The following RIMBP2 variants were observed in gnomAD, a reference collection of about 807,000 sequenced individuals.
RIMBP2 encodes RIMS binding protein 2.
Under a neutral mutation model 118.6 loss-of-function variants are expected in RIMBP2, and 48 were observed. The ratio of observed to expected loss-of-function variants is 0.40; its 90% CI spans 0.32 to 0.51. The LOEUF (loss-of-function observed/expected upper bound fraction) is 0.51, where lower values mean the gene tolerates loss of function less well. Among genes scored for constraint, RIMBP2 ranks in the 20% least tolerant of loss-of-function variants. The probability of loss-of-function intolerance (pLI) is 0.41; values close to 1 mark genes in which losing one functional copy is unlikely to be tolerated. For missense variants in RIMBP2, 1,551 were observed against 1,768.3 expected, an observed-to-expected ratio of 0.88 and a Z score of 2.20; for synonymous variants, 762 against 742.9, an observed-to-expected ratio of 1.03 and a Z score of -0.42.
At chr12:130,505,254 T>C (rs551693794) in intron 4 of RIMBP2, among the ~76,000 whole-genome samples, 13 of 152,218 alleles carry the variant, frequency 8.5e-5, no homozygotes, top group Admixed American at 7.8e-4. Flanking sequence ...AGTCAGAGAA[T>C]AGGGCATCTT....
At chr12:130,500,040 G>A (rs1177802475) in intron 4 of RIMBP2, among the ~76,000 whole-genome samples, 1 of 152,172 alleles carries the variant, frequency 6.6e-6, no homozygotes, top group Non-Finnish European at 1.5e-5. Flanking sequence ...AATTCTTCAG[G>A]AAGCCAGTGC....
intron 2 of RIMBP2, among the ~76,000 whole-genome samples, chr12:130,562,299 A>G (rs1180427862): frequency 1.3e-5 from 2 of 152,236 alleles, no homozygotes; most frequent in Non-Finnish European, 2.9e-5. Context: ...TTTATCTGCT[A>G]GAAATAGAAA....
chr12:130,494,558 G>A (rs1396178295), intron 4 of RIMBP2, among the ~76,000 whole-genome samples: 1 of 151,498 alleles, frequency 6.6e-6, no homozygotes, highest in Non-Finnish European at 1.5e-5. Context: ...AGAATCGCTT[G>A]AACCCAGGAG....
chr12:130,668,216 T>A (rs926678146), intron 1 of RIMBP2: 3 of 152,118 alleles, frequency 2.0e-5, no homozygotes, highest in Admixed American at 6.5e-5. Flanking sequence ...TGAGAGCAAG[T>A]TCAAAGCGAA....
chr12:130,506,441 G>A (rs954601615), intron 4 of RIMBP2, among the ~76,000 whole-genome samples: 1 of 152,094 alleles, frequency 6.6e-6, no homozygotes, highest in African/African-American at 2.4e-5. Context: ...TTGGCTTTAC[G>A]GGATTGCTTC....
intron 3 of RIMBP2, among the ~76,000 whole-genome samples, chr12:130,509,977 C>A (rs1287699597): frequency 6.6e-6 from 1 of 152,184 alleles, no homozygotes; most frequent in Admixed American, 6.5e-5. Context: ...GGGTTTCAGG[C>A]TCCATGTGCA....
chr12:130,530,295 T>C (rs947911140), intron 2 of RIMBP2, among the ~76,000 whole-genome samples: 1 of 152,176 alleles, frequency 6.6e-6, no homozygotes, highest in Non-Finnish European at 1.5e-5. Context: ...TTTTTTTCTA[T>C]ATGTGATTTT....
At chr12:130,608,806 C>A (rs1213415738) in intron 2 of RIMBP2, among the ~76,000 whole-genome samples, 2 of 152,058 alleles carry the variant, frequency 1.3e-5, no homozygotes, top group African/African-American at 4.8e-5. Context: ...GAACTTAATA[C>A]CCACTCTCTT....
At chr12:130,712,085 C>T (rs80315029) in intron 1 of RIMBP2, among the ~76,000 whole-genome samples, 7,833 of 152,260 alleles carry the variant, frequency 0.051, 281 homozygotes, top group South Asian at 0.08. Context: ...ATGGAGCTTG[C>T]GGGACTGGAA....
intron 2 of RIMBP2, among the ~76,000 whole-genome samples, chr12:130,543,369 A>T (rs980570901): frequency 2.0e-5 from 3 of 152,256 alleles, no homozygotes; most frequent in Non-Finnish European, 4.4e-5. Context: ...TGTTCTGGGA[A>T]AAACACATTC....
At chr12:130,509,942 T>C (rs2050746908) in intron 3 of RIMBP2, among the ~76,000 whole-genome samples, 1 of 152,208 alleles carries the variant, frequency 6.6e-6, no homozygotes, top group Admixed American at 6.5e-5. Flanking sequence ...CGATTCAGAT[T>C]CGTGTTTCAC....
chr12:130,712,121 AGT>A (rs1949962008), intron 1 of RIMBP2, among the ~76,000 whole-genome samples: 1 of 152,250 alleles, frequency 6.6e-6, no homozygotes, highest in Non-Finnish European at 1.5e-5. Context: ...TGAGTGAGTG[AGT>A]GAGGAGTGGA....
chr12:130,518,199 C>G (rs1566183462), intron 2 of RIMBP2, among the ~76,000 whole-genome samples: 1 of 152,168 alleles, frequency 6.6e-6, no homozygotes, highest in African/African-American at 2.4e-5. Flanking sequence ...AGCAACGGAA[C>G]TTCTCGCCAA....
chr12:130,608,414 C>A (rs1172563718), intron 2 of RIMBP2, among the ~76,000 whole-genome samples: 3 of 152,232 alleles, frequency 2.0e-5, no homozygotes, highest in African/African-American at 7.2e-5. Flanking sequence ...AGGGAAGTTT[C>A]AAGTTCTCAG....
chr12:130,609,001 G>T (rs1232915341), intron 2 of RIMBP2, among the ~76,000 whole-genome samples: 1 of 152,070 alleles, frequency 6.6e-6, no homozygotes, highest in Non-Finnish European at 1.5e-5. Context: ...CTTCTTAGCT[G>T]CCATGTATGA....
At chr12:130,415,061 A>G (rs545905193) in intron 17 of RIMBP2, among the ~76,000 whole-genome samples, 1 of 152,304 alleles carries the variant, frequency 6.6e-6, no homozygotes, top group African/African-American at 2.4e-5. Context: ...TATGAAGCCA[A>G]CATCACCCTG....
At chr12:130,676,284 A>G (rs1004262709) in intron 1 of RIMBP2, among the ~76,000 whole-genome samples, 4 of 151,030 alleles carry the variant, frequency 2.6e-5, no homozygotes, top group African/African-American at 9.7e-5. Flanking sequence ...CAAAATTGGA[A>G]AAAAAATCCA....
chr12:130,423,376 G>A (rs965882588), intron 16 of RIMBP2, among the ~76,000 whole-genome samples: 3 of 152,204 alleles, frequency 2.0e-5, no homozygotes, highest in Non-Finnish European at 4.4e-5. Flanking sequence ...TCCTGGGTGG[G>A]CCCATCGCAA....
At chr12:130,489,152 T>A (rs1453935883) in intron 4 of RIMBP2, among the ~76,000 whole-genome samples, 1 of 152,232 alleles carries the variant, frequency 6.6e-6, no homozygotes, top group Non-Finnish European at 1.5e-5. Context: ...TTTTACAATG[T>A]CTTCAAGTAA....
Sources: gnomAD v4.1 joint callset for allele counts (sites outside exome capture counted in the v4.1 genomes callset) on GRCh38, gnomAD v4.1.1 for gene constraint, MANE v1.5 for transcripts, NCBI Gene and HGNC (gene_info 2026-07-23, HGNC 2026-07-21) for gene names.